Variants in HS6ST2 observed in about 807,000 individuals in gnomAD.
The protein encoded by HS6ST2 is heparan sulfate 6-O-sulfotransferase 2.
HS6ST2 carries 17 observed loss-of-function variants against 33.0 expected under a neutral mutation model. That is an observed-to-expected ratio of 0.52 (90% CI 0.35 to 0.77). The LOEUF (loss-of-function observed/expected upper bound fraction) is 0.77, where lower values mean the gene tolerates loss of function less well. HS6ST2 is among the 30% of genes least tolerant of loss of function. The pLI is 0.01. For synonymous variants in HS6ST2, 248 were observed against 237.1 expected (o/e 1.05, Z -0.42); for missense variants, 519 against 551.7 (o/e 0.94, Z 0.59).
chrX:132,863,401 C>T (rs939020330), intron 2 of HS6ST2, among the ~76,000 whole-genome samples: 6 of 111,164 alleles, frequency 5.4e-5, no homozygotes, highest in African/African-American at 2.0e-4. Context: ...CTCACTGCAG[C>T]CCCCAATTCC....
chrX:132,957,974 G>A (rs2067105131), intron 1 of HS6ST2, among the ~76,000 whole-genome samples: 1 of 111,926 alleles, frequency 8.9e-6, no homozygotes, highest in Non-Finnish European at 1.9e-5. Flanking sequence ...ACGCTGCGCT[G>A]CCGGTGCCCG....
At chrX:132,651,082 T>C (rs2063688900) in intron 4 of HS6ST2, among the ~76,000 whole-genome samples, 1 of 112,140 alleles carries the variant, frequency 8.9e-6, no homozygotes, top group South Asian at 3.7e-4. Flanking sequence ...AAATGCTTAA[T>C]GGCATTATTT....
In HS6ST2 at chrX:132,924,266, T is replaced by C. The variant is rs759669506; in HGVS notation, c.947+32542A>G. ...TGATAATATAAATGTCTTGAGATCA[T>C]TAAAGTATTTCGTGCTAAAGGGAAG... On this transcript the variant is annotated intron_variant, in intron 2 of 4. Coordinates refer to ENST00000370833, the MANE Select transcript of HS6ST2 (RefSeq NM_001394073.1). Among the ~76,000 whole-genome samples the C allele has an allele frequency of 5.4e-5, 6 of 111,852 alleles. No individual in the cohort carries two copies. The South Asian group carries it at 1.9e-3, about 36-fold the overall frequency.
chrX:132,668,073 G>T (rs1433657180), intron 4 of HS6ST2, among the ~76,000 whole-genome samples: 4 of 111,878 alleles, frequency 3.6e-5, no homozygotes, highest in African/African-American at 1.3e-4. Flanking sequence ...GGAAAAAAAG[G>T]CAGCCAGTAG....
chrX:132,871,591 T>G (rs1158762566), intron 2 of HS6ST2, among the ~76,000 whole-genome samples: 1 of 111,970 alleles, frequency 8.9e-6, no homozygotes, highest in Non-Finnish European at 1.9e-5. Context: ...CATGGAATAC[T>G]ATGCAGCCAG....
At chrX:132,758,845 C>T (rs776951034) in intron 2 of HS6ST2, among the ~76,000 whole-genome samples, 1,146 of 111,960 alleles carry the variant, frequency 0.01, 17 homozygotes, top group African/African-American at 0.034. Flanking sequence ...TGGAGTTCCC[C>T]TCCTTTCCCC....
rs759199298 is a variant in HS6ST2 at position 132,640,325 on chromosome X, G to A, written c.1068-11232C>T. On this transcript the variant is annotated intron_variant, in intron 4 of 4. Transcript: ENST00000370833. ...GGTCATCAAGGAAGGCTTCATAGAA[G>A]AGGAGGAATATGATGGATTCTGAAG... Among the ~76,000 whole-genome samples the A allele has an allele frequency of 2.7e-5, 3 of 111,153 alleles. No homozygotes were observed. In the East Asian group the frequency reaches 8.5e-4, roughly 32 times the overall value.
chrX:132,693,307 C>T (rs1415691644), intron 3 of HS6ST2, among the ~76,000 whole-genome samples: 1 of 112,167 alleles, frequency 8.9e-6, no homozygotes. Flanking sequence ...CCTGCCACGG[C>T]TTCCTAGCCA....
At chrX:132,637,770 ATT>A in intron 4 of HS6ST2, among the ~76,000 whole-genome samples, 1 of 73,018 alleles carries the variant, frequency 1.4e-5, no homozygotes, top group Admixed American at 2.2e-4. Context: ...AATATTATAT[ATT>A]TATATATATA....
chrX:132,766,766 TA>T (rs1569488460), intron 2 of HS6ST2, among the ~76,000 whole-genome samples: 1 of 112,251 alleles, frequency 8.9e-6, no homozygotes, highest in Non-Finnish European at 1.9e-5. Flanking sequence ...ATACCACATG[TA>T]ATGAAGTCTT....
At chrX:132,940,932 C>T (rs2066880191) in intron 2 of HS6ST2, among the ~76,000 whole-genome samples, 1 of 111,743 alleles carries the variant, frequency 8.9e-6, no homozygotes, top group Non-Finnish European at 1.9e-5. Flanking sequence ...ACCTCTGTGA[C>T]ATTCTCTAGA....
At position 132,756,462 on chromosome X, in the gene HS6ST2, T is replaced by C. The variant is rs536644925; in HGVS notation, c.948-47968A>G. On this transcript the variant is annotated intron_variant, in intron 2 of 4. Coordinates refer to ENST00000370833, the MANE Select transcript of HS6ST2 (RefSeq NM_001394073.1). ...TAATGTGCTGATCTCTCTCATTGAC[T>C]CCTTTGCCCTGAAGGCTCGCTCTCC... Among the ~76,000 whole-genome samples, 8 of 111,380 alleles carry C rather than the reference T, an allele frequency of 7.2e-5. No homozygotes were observed. In the South Asian group the frequency reaches 2.7e-3, roughly 38 times the overall value.
chrX:132,749,620 C>T (rs1027065379), intron 2 of HS6ST2, among the ~76,000 whole-genome samples: 9 of 111,942 alleles, frequency 8.0e-5, no homozygotes, highest in African/African-American at 2.9e-4. Flanking sequence ...ACCCCTGAGC[C>T]GCAGGCCACG....
At chrX:132,945,572 A>G (rs1363233969) in intron 2 of HS6ST2, among the ~76,000 whole-genome samples, 1 of 110,748 alleles carries the variant, frequency 9.0e-6, no homozygotes, top group African/African-American at 3.3e-5. Flanking sequence ...TTATTGCGGC[A>G]TTAGTCACAA....
Position 132,707,951 on chromosome X carries a change from T to C in HS6ST2, c.980+511A>G, listed in dbSNP as rs1289352482. ...AAAGGCCTCTGGCCTATGGGATTAC[T>C]TGTAAATATGCAAGTCTACGTATTT... On this transcript the variant is annotated intron_variant, in intron 3 of 4. Coordinates refer to ENST00000370833, the MANE Select transcript of HS6ST2 (RefSeq NM_001394073.1). 5.4e-5 allele frequency among the ~76,000 whole-genome samples: 6 copies of C among 111,759 alleles called. No individual in the cohort carries two copies. The East Asian group carries it at 1.7e-3, about 32-fold the overall frequency.
At chrX:132,827,952 T>A (rs2065540112) in intron 2 of HS6ST2, among the ~76,000 whole-genome samples, 1 of 111,866 alleles carries the variant, frequency 8.9e-6, no homozygotes, top group Non-Finnish European at 1.9e-5. Flanking sequence ...AACAACAAAA[T>A]GACTGTTTAG....
intron 2 of HS6ST2, among the ~76,000 whole-genome samples, chrX:132,719,316 T>A (rs1271570599): frequency 2.7e-5 from 3 of 112,222 alleles, no homozygotes; most frequent in Non-Finnish European, 5.6e-5. Context: ...TCTCAGACCT[T>A]GTGAATTCCA....
intron 2 of HS6ST2, among the ~76,000 whole-genome samples, chrX:132,945,370 G>A (rs960247089): frequency 8.9e-6 from 1 of 111,829 alleles, no homozygotes; most frequent in East Asian, 2.8e-4. Context: ...TGCTGGAGAG[G>A]ATGTGGAGAA....
At position 132,792,686 on chromosome X, in the gene HS6ST2, CACT is replaced by C. The variant is rs751913277; in HGVS notation, c.948-84195_948-84193del. Among the ~76,000 whole-genome samples the C allele has an allele frequency of 5.4e-5, 6 of 111,558 alleles. No homozygotes were observed. The East Asian group carries it at 1.1e-3, about 21-fold the overall frequency. On this transcript the variant is annotated intron_variant, in intron 2 of 4. Transcript: ENST00000370833. ...CCCTCTTCCCCCATCACCTGCCCAC[CACT>C]AATCTGCTTTCTGTCTCTATGGATT... is the stretch of plus-strand genomic sequence containing the variant.
Sources: allele counts gnomAD v4.1 joint callset (sites outside exome capture counted in the v4.1 genomes callset), GRCh38; gene constraint gnomAD v4.1.1; transcripts MANE v1.5; gene names NCBI Gene and HGNC (gene_info 2026-07-23, HGNC 2026-07-21).